MYCBP2: variants seen among roughly 807,000 people sequenced by gnomAD.
MYCBP2 encodes E3 ubiquitin-protein ligase MYCBP2.
A neutral mutation model predicts 525.3 loss-of-function variants in MYCBP2; 120 were observed. That is an observed-to-expected ratio of 0.23 (90% confidence interval 0.20 to 0.27). The LOEUF is 0.27. Ranked by LOEUF, MYCBP2 falls within the 10% of genes least tolerant of loss-of-function variation. The probability of loss-of-function intolerance (pLI) is 1.00; values close to 1 mark genes in which losing one functional copy is unlikely to be tolerated. For synonymous variants in MYCBP2, 1,894 were observed against 1,955.8 expected, an observed-to-expected ratio of 0.97 and a Z score of 0.83; for missense variants, 4,149 against 5,657.1, an observed-to-expected ratio of 0.73 and a Z score of 8.55.
intron 35 of MYCBP2, among the ~76,000 whole-genome samples, chr13:77,177,148 T>C (rs1451391451): frequency 7.9e-6 from 1 of 126,794 alleles, no homozygotes; most frequent in Non-Finnish European, 1.7e-5. Flanking sequence ...AATGACAATA[T>C]AAAAAAAAAA....
chr13:77,319,253 G>A (rs2081315808), intron 1 of MYCBP2, among the ~76,000 whole-genome samples: 1 of 152,110 alleles, frequency 6.6e-6, no homozygotes, highest in Non-Finnish European at 1.5e-5. Context: ...GGGTAAGAGG[G>A]ACAGCACAGT....
intron 28 of MYCBP2, 103 bp from the exon 29 acceptor site, chr13:77,190,438 C>T (rs538956131): frequency 2.9e-6 from 2 of 699,440 alleles, no homozygotes; most frequent in Non-Finnish European, 2.4e-6. Flanking sequence ...AAATGATTCA[C>T]TCTTTTACAT....
At chr13:77,281,083 T>C (rs1209332396) in intron 3 of MYCBP2, among the ~76,000 whole-genome samples, 1 of 152,182 alleles carries the variant, frequency 6.6e-6, no homozygotes, top group Non-Finnish European at 1.5e-5. Context: ...TTACCAAAAG[T>C]TTGAACTTTG....
At chr13:77,073,196 G>A (rs921548034) in intron 68 of MYCBP2, among the ~76,000 whole-genome samples, 2 of 151,712 alleles carry the variant, frequency 1.3e-5, no homozygotes, top group African/African-American at 4.8e-5. Context: ...ATACAAGCTA[G>A]TATCACATGT....
chr13:77,160,104 T>C (rs939509560), intron 44 of MYCBP2, among the ~76,000 whole-genome samples: 2 of 151,334 alleles, frequency 1.3e-5, no homozygotes, highest in East Asian at 1.9e-4. Flanking sequence ...TTCACTCTTG[T>C]TGCCTGGGCT....
intron 3 of MYCBP2, among the ~76,000 whole-genome samples, chr13:77,286,459 A>T (rs1244331524): frequency 7.2e-5 from 11 of 151,954 alleles, no homozygotes; most frequent in Middle Eastern, 3.4e-3. Flanking sequence ...ATATAGAAAA[A>T]ATATATATAA....
At chr13:77,207,335 C>A (rs1017448314) in intron 23 of MYCBP2, among the ~76,000 whole-genome samples, 27 of 152,146 alleles carry the variant, frequency 1.8e-4, no homozygotes, top group Non-Finnish European at 3.7e-4. Flanking sequence ...ACAGTAAAAA[C>A]CAATTAAAAA....
chr13:77,048,472 A>T (rs1473301878), intron 82 of MYCBP2, among the ~76,000 whole-genome samples: 1 of 152,156 alleles, frequency 6.6e-6, no homozygotes, highest in African/African-American at 2.4e-5. Flanking sequence ...CTGTCCTTCT[A>T]AGTAAACTGT....
chr13:77,099,888 G>T (rs1456636367), intron 55 of MYCBP2: 1 of 152,120 alleles, frequency 6.6e-6, no homozygotes, highest in Non-Finnish European at 1.5e-5. Flanking sequence ...CCTTCATTCA[G>T]TGTCTCTCCT....
At chr13:77,088,225 T>C (rs887358861) in intron 61 of MYCBP2, among the ~76,000 whole-genome samples, 50 of 152,292 alleles carry the variant, frequency 3.3e-4, no homozygotes, top group African/African-American at 1.2e-3. Context: ...CATTTTACTT[T>C]GAAAATTCAT....
In MYCBP2 at chr13:77,185,239, A is replaced by G; in HGVS notation, c.4583T>C (p.Leu1528Pro). The change falls in exon 32 of 83, where the codon CTC becomes CCC. Residue 1528 changes from leucine (L) to proline (P), a missense_variant. Leu to Pro is a moderately conservative substitution (Grantham distance 98, BLOSUM62 -3). This residue lies in a region of MYCBP2 where 292 missense variants were observed against 330.5 expected (regional missense o/e 0.88). Coordinates refer to ENST00000544440, the MANE Select transcript of MYCBP2 (RefSeq NM_015057.5). ...TTCTAGAAGACTCAAGGGTTGACTGAGATATCCTTGAGGATCATTATCCAA... is the reference window on the plus strand; with the variant it reads ...TTCTAGAAGACTCAAGGGTTGACTGGGATATCCTTGAGGATCATTATCCAA... ...VKLDNDPQGY[L>P]SQPLSLLEAV... 6.2e-7 allele frequency: 1 copy of G among 1,614,154 alleles called. No individual in the cohort carries two copies. Among genetic ancestry groups the G allele is most frequent in the African/African-American group, 1.3e-5 (1 of 75,052 alleles).
At chr13:77,100,121 T>G (rs1206890015) in intron 55 of MYCBP2, 1 of 152,120 alleles carries the variant, frequency 6.6e-6, no homozygotes, top group Non-Finnish European at 1.5e-5. Context: ...TATTTATATT[T>G]TTTCAAAGAC....
intron 55 of MYCBP2, among the ~76,000 whole-genome samples, chr13:77,114,697 T>A (rs182485031): frequency 2.3e-4 from 35 of 152,178 alleles, no homozygotes; most frequent in Admixed American, 1.9e-3. Context: ...TTGACATATA[T>A]CATATATTTC....
intron 18 of MYCBP2, among the ~76,000 whole-genome samples, chr13:77,231,364 G>A (rs2067108858): frequency 2.0e-5 from 3 of 152,116 alleles, no homozygotes; most frequent in Admixed American, 2.0e-4. Flanking sequence ...CTGAGTACCT[G>A]GGATTACAGG....
chr13:77,237,798 T>A (rs1482683071), intron 17 of MYCBP2, among the ~76,000 whole-genome samples: 2 of 152,202 alleles, frequency 1.3e-5, no homozygotes, highest in Non-Finnish European at 2.9e-5. Flanking sequence ...TAAAGGGTTA[T>A]GCTGATCTAT....
At chr13:77,055,386 C>G (rs1258798833) in intron 80 of MYCBP2, among the ~76,000 whole-genome samples, 172 bp downstream of exon 80, 1 of 152,154 alleles carries the variant, frequency 6.6e-6, no homozygotes, top group Non-Finnish European at 1.5e-5. Flanking sequence ...AATCCCCAAA[C>G]AAGTTAAGTA....
intron 15 of MYCBP2, among the ~76,000 whole-genome samples, chr13:77,250,864 T>G (rs892029867): frequency 4.6e-5 from 7 of 152,082 alleles, no homozygotes; most frequent in African/African-American, 1.7e-4. Flanking sequence ...ATAATACAAA[T>G]AAAAGTACAG....
chr13:77,113,786 A>G (rs1341533946), intron 55 of MYCBP2, among the ~76,000 whole-genome samples: 2 of 152,170 alleles, frequency 1.3e-5, no homozygotes, highest in Non-Finnish European at 2.9e-5. Context: ...AGATAAATTC[A>G]AGCCCATGCC....
intron 3 of MYCBP2, among the ~76,000 whole-genome samples, chr13:77,281,753 T>C (rs1283982855): frequency 6.6e-6 from 1 of 152,206 alleles, no homozygotes; most frequent in East Asian, 1.9e-4. Flanking sequence ...TCTCAAATCA[T>C]ATATTTCCAA....
Sources: gnomAD v4.1 joint callset for allele counts (sites outside exome capture counted in the v4.1 genomes callset) on GRCh38, gnomAD v4.1.1 for gene constraint, gnomAD v4.1.1 regional missense constraint, MANE v1.5 for transcripts, NCBI Gene and HGNC (gene_info 2026-07-23, HGNC 2026-07-21) for gene names.